TNC: variants seen among roughly 807,000 people sequenced by gnomAD.
TNC encodes the protein tenascin.
TNC carries 109 observed loss-of-function variants against 202.4 expected under a neutral mutation model. The observed-to-expected ratio is 0.54, with a 90% CI of 0.46 to 0.63. The LOEUF (loss-of-function observed/expected upper bound fraction) is 0.63. TNC is among the 30% of genes least tolerant of loss of function. TNC has a pLI of 0.00. For missense variants in TNC, 2,756 were observed against 2,833.3 expected, an observed-to-expected ratio of 0.97 and a Z score of 0.62; for synonymous variants, 1,007 against 1,089.7, an observed-to-expected ratio of 0.92 and a Z score of 1.50.
chr9:115,101,003 G>T (rs952381535), intron 1 of TNC, among the ~76,000 whole-genome samples: 5 of 152,122 alleles, frequency 3.3e-5, no homozygotes, highest in African/African-American at 1.2e-4. Context: ...ATCCTGGAGA[G>T]CATTTGTGTT....
At position 115,048,681 on chromosome 9, in the gene TNC, T is replaced by G. The variant is rs143658842; in HGVS notation, c.4580-149A>C. The G allele has an allele frequency of 3.5e-3, 2,786 of 793,432 alleles. 130 individuals are homozygous for G. In the Admixed American group the frequency reaches 0.075, roughly 21 times the overall value. The allele number at this position is 793,432 out of a possible 1,614,324, so 49.1% of individuals were successfully genotyped here. ...AAAATGAAAATTCAGTAAGAACTTA[T>G]TGGGTGCCAGATAGTGTTATCTTGT... On this transcript the variant is annotated intron_variant, in intron 15 of 27. Transcript: ENST00000350763.
chr9:115,029,012 T>A (rs1277799193), intron 25 of TNC, among the ~76,000 whole-genome samples: 4 of 74,104 alleles, frequency 5.4e-5, no homozygotes, highest in Non-Finnish European at 7.6e-5. Context: ...CTTTAAACAC[T>A]AAAACTCTTA....
At chr9:115,071,388 G>A (rs898930303) in intron 10 of TNC, among the ~76,000 whole-genome samples, 4 of 152,186 alleles carry the variant, frequency 2.6e-5, no homozygotes, top group African/African-American at 9.7e-5. Flanking sequence ...TTAAGGAGGC[G>A]TGGTGGGGAA....
chr9:115,041,125 A>G, intron 18 of TNC, 41 bp from the exon 19 acceptor site: 1 of 1,576,544 alleles, frequency 6.3e-7, no homozygotes, highest in Non-Finnish European at 8.6e-7. Context: ...AATGAACCTC[A>G]CTGACACTTA....
At chr9:115,024,648 G>A (rs537089673) in intron 26 of TNC, among the ~76,000 whole-genome samples, 6 of 152,250 alleles carry the variant, frequency 3.9e-5, no homozygotes, top group Admixed American at 6.5e-5. Context: ...ATAATGGCAT[G>A]CTTTTCTCCC....
At chr9:115,113,964 T>C (rs1199870862) in intron 1 of TNC, among the ~76,000 whole-genome samples, 1 of 152,024 alleles carries the variant, frequency 6.6e-6, no homozygotes, top group Non-Finnish European at 1.5e-5. Context: ...AACTGAAAAA[T>C]GTCTGGCCAC....
At chr9:115,043,453 C>A (rs1830929292) in intron 17 of TNC, among the ~76,000 whole-genome samples, 1 of 152,130 alleles carries the variant, frequency 6.6e-6, no homozygotes, top group Non-Finnish European at 1.5e-5. Flanking sequence ...TGTCCAAATA[C>A]CACTGAGAGG....
intron 10 of TNC, among the ~76,000 whole-genome samples, chr9:115,066,691 C>T (rs1460643674): frequency 1.3e-5 from 2 of 152,194 alleles, no homozygotes; most frequent in East Asian, 3.8e-4. Context: ...AAGCTAACAA[C>T]AGTTTTTCTT....
rs199684970 is a variant in TNC at position 115,031,567 on chromosome 9, G to A, written c.5906C>T (p.Thr1969Ile). Reference protein sequence around the residue: ...NGPLRSNMIQTIFTTIGLLYP... With the variant: ...NGPLRSNMIQIIFTTIGLLYP... ...GGCCTCCTTACTTGTGGTGAAGATG[G>A]TCTGGATCATATTGCTCCTCAGGGG... Residue 1969 changes from threonine (T) to isoleucine (I), a missense_variant, in exon 23 of 28, where the codon ACC becomes ATC. Thr to Ile is a moderately conservative substitution (Grantham distance 89, BLOSUM62 -1). Around this residue, in one of 2 missense-constraint regions of TNC, gnomAD observed 2,559 missense variants for 2,546.0 expected, o/e 1.01. Transcript: ENST00000350763. 46 of 1,593,168 alleles carry A rather than the reference G, an allele frequency of 2.9e-5. No individual in the cohort carries two copies. In the Admixed American group the frequency reaches 7.3e-4, roughly 25 times the overall value.
chr9:115,091,559 T>C (rs539677771), intron 1 of TNC, among the ~76,000 whole-genome samples: 1 of 152,220 alleles, frequency 6.6e-6, no homozygotes, highest in East Asian at 1.9e-4. Context: ...GTTATTTGTG[T>C]ATTCATTAAT....
chr9:115,036,844 C>T (rs1830369796), intron 20 of TNC, among the ~76,000 whole-genome samples: 1 of 152,128 alleles, frequency 6.6e-6, no homozygotes, highest in Admixed American at 6.5e-5. Flanking sequence ...CCTGGTTTGC[C>T]AGGGACTGCG....
Position 115,021,170 on chromosome 9 carries a change from C to T in TNC, c.6593G>A (p.Arg2198His), listed in dbSNP as rs565506426. Residue 2198 changes from arginine (R) to histidine (H), a missense_variant, in exon 28 of 28, where the codon CGC becomes CAC. Around this residue, in one of 2 missense-constraint regions of TNC, gnomAD observed 197 missense variants for 287.3 expected, o/e 0.69. Coordinates refer to ENST00000350763, the MANE Select transcript of TNC (RefSeq NM_002160.4). Reference sequence around the variant, plus strand: ...GGTCCCTGGAATTTATGCCCGTTTGCGCCTGCCTTCAAGATTTCTGAAGTT... The same window carrying T: ...GGTCCCTGGAATTTATGCCCGTTTGTGCCTGCCTTCAAGATTTCTGAAGTT... ...PSNFRNLEGR[R>H]KRA 223 of 1,613,682 alleles carry T rather than the reference C, an allele frequency of 1.4e-4. 2 individuals are homozygous for T. The South Asian group carries it at 2.1e-3, about 15-fold the overall frequency.
At chr9:115,037,132 T>C (rs1830392711) in intron 20 of TNC, among the ~76,000 whole-genome samples, 1 of 152,136 alleles carries the variant, frequency 6.6e-6, no homozygotes, top group African/African-American at 2.4e-5. Context: ...CTCCTCCCCA[T>C]CAGTTCCCCA....
intron 15 of TNC, chr9:115,052,774 A>T: frequency 1.4e-6 from 1 of 702,620 alleles, no homozygotes; most frequent in Non-Finnish European, 2.6e-6. Context: ...GTCTGGTGGG[A>T]TCCCCAGCCA....
intron 25 of TNC, among the ~76,000 whole-genome samples, chr9:115,028,994 C>CT (rs34864922): frequency 0.4 from 40,108 of 100,832 alleles, 8,942 homozygotes; most frequent in Middle Eastern, 0.45. Flanking sequence ...GTTCCTGTGG[C>CT]TTTCCCCCTT....
chr9:115,040,474 GGTGGGCT>G (rs1190103253), intron 19 of TNC, among the ~76,000 whole-genome samples: 1 of 152,190 alleles, frequency 6.6e-6, no homozygotes, highest in Non-Finnish European at 1.5e-5. Flanking sequence ...TGAAGGTGAT[GGTGGGCT>G]AACATGAACA....
rs914892747 is a variant in TNC, at chr9:115,096,434, C to T, written c.-136-5280G>A. ...AATATGAGACAGTGCAGATGAAGAA[C>T]ATCTCTATCATCCAAAGAAGTTTTA... is the stretch of plus-strand genomic sequence containing the variant. On this transcript the variant is annotated intron_variant, in intron 1 of 27. Transcript: ENST00000350763. Among the ~76,000 whole-genome samples, 3 of 152,190 alleles carry T rather than the reference C, an allele frequency of 2.0e-5. No individual in the cohort carries two copies. In the East Asian group the frequency reaches 5.8e-4, roughly 29 times the overall value.
intron 25 of TNC, among the ~76,000 whole-genome samples, chr9:115,027,325 C>A (rs1046882817): frequency 1.3e-5 from 2 of 151,368 alleles, no homozygotes; most frequent in Admixed American, 1.3e-4. Flanking sequence ...CACGGTGGCT[C>A]ACGCCCATAA....
intron 1 of TNC, among the ~76,000 whole-genome samples, chr9:115,116,349 C>T (rs1252917679): frequency 6.6e-6 from 1 of 152,220 alleles, no homozygotes; most frequent in Non-Finnish European, 1.5e-5. Flanking sequence ...TTCTTCCCCA[C>T]AAAGCAGTCA....
Sources: allele counts gnomAD v4.1 joint callset (sites outside exome capture counted in the v4.1 genomes callset), GRCh38; gene constraint gnomAD v4.1.1; regional missense constraint gnomAD v4.1.1; transcripts MANE v1.5; gene names NCBI Gene and HGNC (gene_info 2026-07-23, HGNC 2026-07-21).